The following CHD7 variants were observed in gnomAD, a reference collection of about 807,000 sequenced individuals.
The protein encoded by CHD7 is chromodomain helicase DNA binding protein 7.
In CHD7, 24 loss-of-function variants were observed where a neutral mutation model predicts 307.3. The ratio of observed to expected loss-of-function variants is 0.08; its 90% CI spans 0.06 to 0.11. The LOEUF is 0.11. Ranked by LOEUF, CHD7 falls within the 10% of genes least tolerant of loss-of-function variation. The pLI, the probability that CHD7 is intolerant of heterozygous loss-of-function variation, is 1.00. For synonymous variants in CHD7, 1,363 were observed against 1,349.9 expected, an observed-to-expected ratio of 1.01 and a Z score of -0.21; for missense variants, 3,106 against 3,727.1, an observed-to-expected ratio of 0.83 and a Z score of 4.34.
At chr8:60,835,974 T>TG in intron 15 of CHD7, 99 bp from the exon 16 acceptor site, 1 of 817,396 alleles carries the variant, frequency 1.2e-6, no homozygotes, top group South Asian at 1.7e-5. Flanking sequence ...TTTGGTGTTC[T>TG]GGTTCCTACA....
intron 6 of CHD7, among the ~76,000 whole-genome samples, chr8:60,804,680 CT>C (rs1279399911): frequency 2.6e-5 from 4 of 152,094 alleles, no homozygotes; most frequent in Admixed American, 2.6e-4. Flanking sequence ...ACAGAGTGTT[CT>C]GTTTTTTTGC....
In CHD7 at chr8:60,836,076, C is replaced by T; in HGVS notation, c.3782C>T (p.Ala1261Val). 1 of 1,607,884 alleles carries T rather than the reference C, an allele frequency of 6.2e-7. No individual in the cohort carries two copies. The highest frequency in any genetic ancestry group is 8.5e-7 in the Non-Finnish European group (1 of 1,176,862). Residue 1261 changes from alanine (A) to valine (V), a missense_variant, in exon 16 of 38, where the codon GCT becomes GTT. Ala to Val is a moderately conservative substitution (Grantham distance 64). Transcript: ENST00000423902. The part of the protein sequence containing the change: ...CCNHPYLING[A>V]EEKILEEFKE... ...TTATGCTGTCCAATCTCTGCAGGTGCTGAAGAGAAAATTTTGGAAGAGTTT... is the reference window on the plus strand; with the variant it reads ...TTATGCTGTCCAATCTCTGCAGGTGTTGAAGAGAAAATTTTGGAAGAGTTT...
chr8:60,738,796 A>G (rs1320244455), intron 1 of CHD7, among the ~76,000 whole-genome samples: 2 of 152,066 alleles, frequency 1.3e-5, no homozygotes, highest in South Asian at 2.1e-4. Flanking sequence ...ACCTTACCTG[A>G]GCATGGTTGT....
intron 12 of CHD7, among the ~76,000 whole-genome samples, chr8:60,823,394 TATAGATAG>T (rs34150494): frequency 0.2 from 28,707 of 145,414 alleles, 2,782 homozygotes; most frequent in East Asian, 0.25. Context: ...TTTTGCTATA[TATAGATAG>T]ATAGATAGAT....
At chr8:60,713,004 T>G (rs1482440865) in intron 1 of CHD7, among the ~76,000 whole-genome samples, 2 of 142,536 alleles carry the variant, frequency 1.4e-5, no homozygotes, top group Non-Finnish European at 3.0e-5. Context: ...GAGCCGAGAT[T>G]GCGCCACTGC....
At chr8:60,699,470 A>G (rs1288745208) in intron 1 of CHD7, among the ~76,000 whole-genome samples, 1 of 152,198 alleles carries the variant, frequency 6.6e-6, no homozygotes, top group African/African-American at 2.4e-5. Context: ...AATCACCTAG[A>G]GGGAGCCAGC....
chr8:60,782,066 G>A (rs918953952), intron 3 of CHD7, among the ~76,000 whole-genome samples: 10 of 152,006 alleles, frequency 6.6e-5, no homozygotes, highest in Non-Finnish European at 1.2e-4. Context: ...CCATTTATTC[G>A]GTAAGAAAAA....
chr8:60,726,179 A>G (rs1372005083), intron 1 of CHD7, among the ~76,000 whole-genome samples: 2 of 152,214 alleles, frequency 1.3e-5, no homozygotes, highest in African/African-American at 2.4e-5. Flanking sequence ...TTTATCACTT[A>G]TCTGTGCTTC....
At chr8:60,783,442 C>T (rs1478938497) in intron 3 of CHD7, among the ~76,000 whole-genome samples, 2 of 152,142 alleles carry the variant, frequency 1.3e-5, no homozygotes, top group Admixed American at 1.3e-4. Flanking sequence ...CAGTGCAAGC[C>T]TCATAGGCTT....
chr8:60,725,362 C>T lies in CHD7; in HGVS notation c.-174-15897C>T, dbSNP rs184774501. Among the ~76,000 whole-genome samples the T allele has an allele frequency of 5.3e-5, 8 of 152,332 alleles. No individual in the cohort carries two copies. In the East Asian group the frequency reaches 1.2e-3, roughly 22 times the overall value. On this transcript the variant is annotated intron_variant, in intron 1 of 37. Coordinates refer to ENST00000423902, the MANE Select transcript of CHD7 (RefSeq NM_017780.4). The stretch of plus-strand genomic sequence containing the variant: ...GAGAGATCTCTTCTATCTGTATAGT[C>T]CGGAATTCTGAGTAGTATCCCAAAG...
chr8:60,776,517 C>A (rs539220944), intron 2 of CHD7, among the ~76,000 whole-genome samples: 91 of 152,254 alleles, frequency 6.0e-4, no homozygotes, highest in African/African-American at 2.2e-3. Flanking sequence ...TCTGCCTCCC[C>A]CTCTCTCTCA....
Position 60,851,103 on chromosome 8 carries a change from A to C in CHD7, c.5606A>C (p.Asp1869Ala). Reference sequence around the variant, plus strand: ...AGAACACCGTTCAAAGATGAAATAGATGTATGAACTTGAGTATATTGGCTT... The same window carrying C: ...AGAACACCGTTCAAAGATGAAATAGCTGTATGAACTTGAGTATATTGGCTT... ...PTRTPFKDEIDEFANSPSEDK... is the reference protein window; with the variant it reads ...PTRTPFKDEIAEFANSPSEDK... Residue 1869 changes from aspartate to alanine, a missense_variant and splice_region_variant, in exon 27 of 38, where the codon GAT (aspartate) becomes GCT (alanine). By Grantham distance (126) the Asp-to-Ala change is moderately radical. Coordinates refer to ENST00000423902, the MANE Select transcript of CHD7 (RefSeq NM_017780.4). The C allele has an allele frequency of 6.4e-7, 1 of 1,563,480 alleles. No homozygotes were observed. Among genetic ancestry groups the C allele is most frequent in the Non-Finnish European group, 8.7e-7 (1 of 1,152,190 alleles).
At chr8:60,783,402 G>A (rs578027598) in intron 3 of CHD7, among the ~76,000 whole-genome samples, 1 of 152,248 alleles carries the variant, frequency 6.6e-6, no homozygotes, top group African/African-American at 2.4e-5. Flanking sequence ...TGCAAATATA[G>A]ACCCTGTGTT....
intron 1 of CHD7, among the ~76,000 whole-genome samples, chr8:60,693,590 C>A (rs1229616333): frequency 6.6e-6 from 1 of 152,178 alleles, no homozygotes; most frequent in African/African-American, 2.4e-5. Context: ...GCTATCGAGC[C>A]CCTGCTCAGC....
chr8:60,680,197 C>T (rs1006681521), intron 1 of CHD7, among the ~76,000 whole-genome samples: 1 of 151,746 alleles, frequency 6.6e-6, no homozygotes, highest in African/African-American at 2.4e-5. Flanking sequence ...CAGAGAGCCG[C>T]GGCTTGGAGC....
intron 1 of CHD7, among the ~76,000 whole-genome samples, chr8:60,686,730 A>G (rs536439001): frequency 1.3e-5 from 2 of 151,976 alleles, no homozygotes; most frequent in South Asian, 4.2e-4. Context: ...TAGGTTGGAC[A>G]CATCACCTCC....
chr8:60,772,509 T>A (rs1810759734), intron 2 of CHD7, among the ~76,000 whole-genome samples: 1 of 152,214 alleles, frequency 6.6e-6, no homozygotes, highest in Non-Finnish European at 1.5e-5. Flanking sequence ...GCACTGCTGT[T>A]GTCTTTTGTT....
At position 60,821,945 on chromosome 8, in the gene CHD7, G is replaced by C. The variant is rs143580627; in HGVS notation, c.2835+18G>C. On this transcript the variant is annotated intron_variant, in intron 10 of 37. Transcript: ENST00000423902. ...AGCGTGTGGTAAGAATTGGCTGATG[G>C]TAGAGAATTTAATTTGAAAATAGCA... 406 of 1,613,212 alleles carry C rather than the reference G, an allele frequency of 2.5e-4. 1 individual carries two copies. The East Asian group carries it at 8.7e-3, about 35-fold the overall frequency.
At chr8:60,828,639 G>A in intron 13 of CHD7, 24 bp from the exon 14 acceptor site, 1 of 1,585,670 alleles carries the variant, frequency 6.3e-7, no homozygotes, top group Non-Finnish European at 8.6e-7. Context: ...AATTTGGTTA[G>A]TGGCTTTCCT....
Sources: gnomAD v4.1 joint callset for allele counts (sites outside exome capture counted in the v4.1 genomes callset) on GRCh38, gnomAD v4.1.1 for gene constraint, MANE v1.5 for transcripts, NCBI Gene and HGNC (gene_info 2026-07-23, HGNC 2026-07-21) for gene names.